Variants in KIF3B observed in about 807,000 individuals in gnomAD.
KIF3B encodes kinesin family member 3B, also known as kinesin-like protein KIF3B.
Under a neutral mutation model 74.3 loss-of-function variants are expected in KIF3B, and 38 were observed. The ratio of observed to expected loss-of-function variants is 0.51; its 90% CI spans 0.39 to 0.67. The LOEUF is 0.67. KIF3B is among the 30% of genes least tolerant of loss of function. The pLI is 0.00. For synonymous variants in KIF3B, 326 were observed against 342.5 expected (o/e 0.95, Z 0.53); for missense variants, 649 against 932.0 (o/e 0.70, Z 3.95).
At chr20:32,281,771 G>A (rs2047644139) in intron 1 of KIF3B, among the ~76,000 whole-genome samples, 1 of 152,150 alleles carries the variant, frequency 6.6e-6, no homozygotes, top group African/African-American at 2.4e-5. Context: ...TTGCTAGGAT[G>A]GTGACGTTTT....
intron 1 of KIF3B, among the ~76,000 whole-genome samples, chr20:32,306,581 C>CTTTTTTT (rs935086574): frequency 1.2e-5 from 1 of 82,842 alleles, no homozygotes; most frequent in Non-Finnish European, 2.2e-5. Context: ...AGTTTTTCCT[C>CTTTTTTT]TTTTTTTTTT....
In KIF3B at chr20:32,331,246, G is replaced by T. The variant is rs781032135; in HGVS notation, c.2171G>T (p.Gly724Val). 2 of 1,613,588 alleles carry T rather than the reference G, an allele frequency of 1.2e-6. No homozygotes were observed. The highest frequency in any genetic ancestry group is 2.2e-5 in the South Asian group (2 of 90,988). Residue 724 changes from glycine (G) to valine (V), a missense_variant, in exon 9 of 9, where the codon GGA (glycine) becomes GTA (valine). Around this residue, in one of 4 missense-constraint regions of KIF3B, gnomAD observed 186 missense variants for 198.5 expected, o/e 0.94. Coordinates refer to ENST00000375712, the MANE Select transcript of KIF3B (RefSeq NM_004798.4). ...KARPKSGRKS[G>V]SSSSSSGTPA... ...AGGCCTAAAAGTGGAAGGAAGTCGG[G>T]ATCCTCCTCCTCTTCCTCAGGAACC...
At chr20:32,293,942 A>T (rs1161310563) in intron 1 of KIF3B, among the ~76,000 whole-genome samples, 2 of 152,190 alleles carry the variant, frequency 1.3e-5, no homozygotes, top group African/African-American at 4.8e-5. Context: ...TGACTCTTCC[A>T]CTTAATTGTC....
intron 1 of KIF3B, among the ~76,000 whole-genome samples, chr20:32,299,792 TTTTG>T (rs2047734675): frequency 6.6e-6 from 1 of 152,070 alleles, no homozygotes; most frequent in Non-Finnish European, 1.5e-5. Flanking sequence ...TCTAGATTTT[TTTTG>T]TTTGTTTTTT....
Position 32,308,140 on chromosome 20 carries a change from G to A in KIF3B, c.-65-1573G>A, listed in dbSNP as rs535051925. ...AGTCCCAGCTACTTGGGAGGCTGAG[G>A]CAGGAGAATGGCATGAATTCGGGAG... On this transcript the variant is annotated intron_variant, in intron 1 of 8. Coordinates refer to ENST00000375712, the MANE Select transcript of KIF3B (RefSeq NM_004798.4). Among the ~76,000 whole-genome samples the A allele has an allele frequency of 2.1e-4, 31 of 150,784 alleles. No individual in the cohort carries two copies. In the South Asian group the frequency reaches 5.3e-3, roughly 26 times the overall value.
rs1263593697 is a variant in KIF3B, at chr20:32,330,227, G to A, written c.2055G>A (p.Gln685=). ...YEGPAIAPKV[Q]AALDAALQDE... is the part of the protein sequence containing the mutation. ...GTCCAGCCATTGCCCCCAAGGTCCAGGCTGCATTGGATGCGGCTCTGCAGG... is the reference window on the plus strand; with the variant it reads ...GTCCAGCCATTGCCCCCAAGGTCCAAGCTGCATTGGATGCGGCTCTGCAGG... The change falls in exon 8 of 9, where the codon CAG becomes CAA. Residue 685 remains glutamine (Q), a synonymous_variant. Coordinates refer to ENST00000375712, the MANE Select transcript of KIF3B (RefSeq NM_004798.4). The A allele has an allele frequency of 6.2e-7, 1 of 1,614,138 alleles. No homozygotes were observed. Among genetic ancestry groups the A allele is most frequent in the South Asian group, 1.1e-5 (1 of 91,074 alleles).
Position 32,309,794 on chromosome 20 carries a change from G to T in KIF3B, c.17G>T (p.Ser6Ile). 1 of 1,613,010 alleles carries T rather than the reference G, an allele frequency of 6.2e-7. No homozygotes were observed. Among genetic ancestry groups the T allele is most frequent in the Non-Finnish European group, 8.5e-7 (1 of 1,179,384 alleles). MSKLK[S>I]SESVRVVVRC... ...GAGTTCATCATGTCAAAGTTGAAAA[G>T]CTCAGAGTCAGTCAGGGTGGTGGTT... Residue 6 changes from serine (S) to isoleucine (I), a missense_variant, in exon 2 of 9, where the codon AGC becomes ATC. This residue lies in a region of KIF3B where 96 missense variants were observed against 119.0 expected (regional missense o/e 0.81). Transcript: ENST00000375712.
chr20:32,331,290 C>T lies in KIF3B; in HGVS notation c.2215C>T (p.Pro739Ser), dbSNP rs2122722564. 1 of 1,613,400 alleles carries T rather than the reference C, an allele frequency of 6.2e-7. No homozygotes were observed. Among genetic ancestry groups the T allele is most frequent in the East Asian group, 2.2e-5 (1 of 44,866 alleles). ...SSGTPASQLY[P>S]QSRGLVPK ...AGGAACCCCTGCATCTCAGCTTTAT[C>T]CACAGTCTCGGGGGCTGGTTCCAAA... The change falls in exon 9 of 9, where the codon CCA becomes TCA. Residue 739 changes from proline (P) to serine (S), a missense_variant. Transcript: ENST00000375712.
At chr20:32,322,863 C>T (rs1211610335) in intron 5 of KIF3B, among the ~76,000 whole-genome samples, 57 of 47,816 alleles carry the variant, frequency 1.2e-3, no homozygotes, top group African/African-American at 2.4e-3. Flanking sequence ...TTTATATATA[C>T]ATATTCATAT....
intron 7 of KIF3B, 60 bp downstream of exon 7, chr20:32,327,721 C>T: frequency 1.6e-6 from 2 of 1,235,184 alleles, no homozygotes; most frequent in Non-Finnish European, 2.4e-6. Flanking sequence ...TTTGTGTAAG[C>T]CCTTAGATAC....
In KIF3B at chr20:32,316,214, T is replaced by A. The variant is rs765557345; in HGVS notation, c.1405-4T>A. 7 of 1,528,552 alleles carry A rather than the reference T, an allele frequency of 4.6e-6. 1 individual carries two copies. The South Asian group carries it at 7.8e-5, about 17-fold the overall frequency. 94.7% of individuals were successfully genotyped at this position (1,528,552 alleles called of 1,614,324 possible). On this transcript the variant is annotated splice_polypyrimidine_tract_variant and splice_region_variant and intron_variant, in intron 2 of 8. Coordinates refer to ENST00000375712, the MANE Select transcript of KIF3B (RefSeq NM_004798.4). ...AGATGGATTCTACTTTGTTTCTCAC[T>A]CAGGCCATGGAGAGTAAGTTGCTTG...
intron 1 of KIF3B, among the ~76,000 whole-genome samples, chr20:32,297,600 G>A (rs961849481): frequency 6.6e-6 from 1 of 152,010 alleles, no homozygotes; most frequent in Non-Finnish European, 1.5e-5. Flanking sequence ...CTAGTATGTC[G>A]GGCCTTTCTT....
Position 32,311,085 on chromosome 20 carries a change from AGAG to A in KIF3B, c.1312_1314del (p.Glu438del). The A allele has an allele frequency of 6.2e-7, 1 of 1,613,914 alleles. No homozygotes were observed. The highest frequency in any genetic ancestry group is 8.5e-7 in the Non-Finnish European group (1 of 1,179,946). ...TTGTAGAGGATCACAGCTTGGTTGC[AGAG>A]GAGAAGATGAGGCTGCTGAAGGAGA... On this transcript the variant is annotated inframe_deletion, in exon 2 of 9. Coordinates refer to ENST00000375712, the MANE Select transcript of KIF3B (RefSeq NM_004798.4).
intron 2 of KIF3B, among the ~76,000 whole-genome samples, chr20:32,314,204 T>C (rs985294158): frequency 1.3e-5 from 2 of 152,210 alleles, no homozygotes; most frequent in African/African-American, 4.8e-5. Context: ...AGAATGACAT[T>C]ATTTCTGTCT....
chr20:32,290,737 A>T (rs2047687429), intron 1 of KIF3B, among the ~76,000 whole-genome samples: 1 of 152,030 alleles, frequency 6.6e-6, no homozygotes, highest in Non-Finnish European at 1.5e-5. Flanking sequence ...AAATTAGCTC[A>T]GTATGGTGGC....
chr20:32,324,443 G>A (rs536028102), intron 5 of KIF3B, among the ~76,000 whole-genome samples: 15 of 152,168 alleles, frequency 9.9e-5, no homozygotes, highest in East Asian at 3.8e-4. Context: ...GCCTGAGAAT[G>A]TTCATTTCTA....
At chr20:32,323,264 T>C (rs1360316286) in intron 5 of KIF3B, among the ~76,000 whole-genome samples, 1 of 147,760 alleles carries the variant, frequency 6.8e-6, no homozygotes, top group Non-Finnish European at 1.5e-5. Flanking sequence ...TTCTTAGTAT[T>C]TTCTAGTACC....
At chr20:32,283,503 CAA>C (rs879799495) in intron 1 of KIF3B, among the ~76,000 whole-genome samples, 5 of 130,670 alleles carry the variant, frequency 3.8e-5, no homozygotes, top group South Asian at 2.5e-4. Flanking sequence ...GACTCCGTCT[CAA>C]AAAAAAAAAA....
At chr20:32,282,959 C>T (rs2047650921) in intron 1 of KIF3B, among the ~76,000 whole-genome samples, 1 of 152,204 alleles carries the variant, frequency 6.6e-6, no homozygotes, top group South Asian at 2.1e-4. Context: ...CTGGGCATTA[C>T]AGGGTTGTAC....
Sources: allele counts gnomAD v4.1 joint callset (sites outside exome capture counted in the v4.1 genomes callset), GRCh38; gene constraint gnomAD v4.1.1; regional missense constraint gnomAD v4.1.1; transcripts MANE v1.5; gene names NCBI Gene and HGNC (gene_info 2026-07-23, HGNC 2026-07-21).